Variants in TP63 observed in about 807,000 individuals in gnomAD.
TP63 encodes tumor protein 63.
TP63 carries 17 observed loss-of-function variants against 82.8 expected under a neutral mutation model. The observed-to-expected ratio is 0.21, with a 90% CI of 0.14 to 0.31. The LOEUF is 0.31. Ranked by LOEUF, TP63 falls within the 10% of genes least tolerant of loss-of-function variation. The pLI is 1.00. For missense variants in TP63, 648 were observed against 895.3 expected, an observed-to-expected ratio of 0.72 and a Z score of 3.52; for synonymous variants, 330 against 321.7, an observed-to-expected ratio of 1.03 and a Z score of -0.28.
chr3:189,765,787 A>G (rs1403220116), intron 3 of TP63, among the ~76,000 whole-genome samples: 1 of 152,066 alleles, frequency 6.6e-6, no homozygotes, highest in Admixed American at 6.6e-5. Context: ...CTGGCCTAGG[A>G]GCCAGGAGCC....
intron 3 of TP63, among the ~76,000 whole-genome samples, chr3:189,803,205 G>A (rs1726502654): frequency 6.6e-6 from 1 of 152,160 alleles, no homozygotes. Context: ...GGCTGAGGGA[G>A]GAGAATCTCT....
chr3:189,664,331 C>A (rs1431183616), intron 1 of TP63, among the ~76,000 whole-genome samples: 1 of 152,122 alleles, frequency 6.6e-6, no homozygotes, highest in East Asian at 1.9e-4. Context: ...ATATGAAGGG[C>A]AGTACTATGC....
intron 11 of TP63, 58 bp downstream of exon 11, chr3:189,886,609 ACT>A (rs1720473196): frequency 6.2e-7 from 1 of 1,605,472 alleles, no homozygotes. Flanking sequence ...TTAGGACAAG[ACT>A]CTGTGATGGG....
intron 4 of TP63, among the ~76,000 whole-genome samples, chr3:189,832,353 G>T (rs1212229993): frequency 1.3e-5 from 2 of 152,110 alleles, no homozygotes; most frequent in Non-Finnish European, 2.9e-5. Flanking sequence ...ATCCAAGGAG[G>T]TCACTCAGGG....
the TP63 span, among the ~76,000 whole-genome samples, chr3:189,613,231 G>C: frequency 6.6e-6 from 1 of 152,300 alleles, no homozygotes; most frequent in South Asian, 2.1e-4. Flanking sequence ...CCTGGGCCCA[G>C]GGTCCCTGCA....
chr3:189,895,101 T>C lies in TP63; in HGVS notation c.*599T>C, dbSNP rs922099474. On this transcript the variant is annotated 3_prime_UTR_variant, in exon 14 of 14. Transcript: ENST00000264731. ...CTAAATACATGCCACATCAAACCTT[T>C]GAGTAGATCCATTTCCATTGCTTAT... 4.5e-6 allele frequency: 1 copy of C among 221,516 alleles called. No homozygotes were observed. Among genetic ancestry groups the C allele is most frequent in the African/African-American group, 2.2e-5 (1 of 44,680 alleles). 13.7% of individuals were successfully genotyped at this position (221,516 alleles called of 1,614,324 possible).
At chr3:189,599,378 A>G in the TP63 span, among the ~76,000 whole-genome samples, 2 of 152,330 alleles carry the variant, frequency 1.3e-5, no homozygotes, top group East Asian at 3.9e-4. Context: ...GGACCCATCA[A>G]TTCCCATAAT....
intron 1 of TP63, among the ~76,000 whole-genome samples, chr3:189,712,258 C>T (rs975234677): frequency 2.0e-5 from 3 of 152,074 alleles, no homozygotes; most frequent in African/African-American, 7.2e-5. Flanking sequence ...CAGTTTGTCA[C>T]AGAAATATGG....
At chr3:189,890,672 C>A in intron 12 of TP63, 117 bp from the exon 13 acceptor site, 1 of 805,202 alleles carries the variant, frequency 1.2e-6, no homozygotes, top group Non-Finnish European at 2.1e-6. Flanking sequence ...CAATCCTCAT[C>A]TCTGATGTGG....
At chr3:189,689,782 G>T (rs899993220) in intron 1 of TP63, among the ~76,000 whole-genome samples, 1 of 152,106 alleles carries the variant, frequency 6.6e-6, no homozygotes, top group African/African-American at 2.4e-5. Flanking sequence ...GTCTTGACTT[G>T]TTGGGAAACT....
At chr3:189,628,272 T>A (rs1328077293), upstream of TP63, among the ~76,000 whole-genome samples, 2 of 152,132 alleles carry the variant, frequency 1.3e-5, no homozygotes, top group African/African-American at 4.8e-5. Flanking sequence ...AGATGGAGTT[T>A]TAAAACATTC....
At chr3:189,643,620 CTG>C (rs551985695) in intron 1 of TP63, among the ~76,000 whole-genome samples, 47 of 152,288 alleles carry the variant, frequency 3.1e-4, no homozygotes, top group African/African-American at 1.1e-3. Flanking sequence ...ATCAATGTGA[CTG>C]TTTTTTCCCT....
the TP63 span, among the ~76,000 whole-genome samples, chr3:189,608,895 C>T: frequency 6.6e-6 from 1 of 152,042 alleles, no homozygotes; most frequent in Non-Finnish European, 1.5e-5. Flanking sequence ...CTCTCGGTAA[C>T]ATGTAAGAGT....
intron 4 of TP63, among the ~76,000 whole-genome samples, chr3:189,844,891 C>T (rs958029329): frequency 1.3e-5 from 2 of 152,194 alleles, no homozygotes; most frequent in African/African-American, 4.8e-5. Context: ...TTCCCTAAAT[C>T]TTGCCTCCCA....
the TP63 span, among the ~76,000 whole-genome samples, chr3:189,623,149 G>A: frequency 6.6e-5 from 10 of 152,198 alleles, no homozygotes; most frequent in African/African-American, 1.7e-4. Context: ...TATACACATT[G>A]GGCTTTTGTT....
chr3:189,763,255 C>T (rs909328207), intron 3 of TP63, among the ~76,000 whole-genome samples: 2 of 152,118 alleles, frequency 1.3e-5, no homozygotes, highest in African/African-American at 4.8e-5. Context: ...GCATGACAGA[C>T]AGAGCAAGGC....
chr3:189,851,980 CAG>C (rs1473580269), intron 4 of TP63, among the ~76,000 whole-genome samples: 3 of 151,958 alleles, frequency 2.0e-5, no homozygotes, highest in Non-Finnish European at 2.9e-5. Context: ...AAGTAGGAAA[CAG>C]GGAACGGGAG....
At chr3:189,625,665 G>A in the TP63 span, among the ~76,000 whole-genome samples, 3 of 152,124 alleles carry the variant, frequency 2.0e-5, no homozygotes, top group African/African-American at 7.2e-5. Flanking sequence ...GAGTAAAGGT[G>A]CAACATATCT....
At chr3:189,846,779 T>G (rs969535714) in intron 4 of TP63, among the ~76,000 whole-genome samples, 1 of 145,146 alleles carries the variant, frequency 6.9e-6, no homozygotes, top group African/African-American at 2.5e-5. Context: ...CTCTGCCTCC[T>G]GGGTTCAAGC....
Sources: gnomAD v4.1 joint callset for allele counts (sites outside exome capture counted in the v4.1 genomes callset) on GRCh38, gnomAD v4.1.1 for gene constraint, MANE v1.5 for transcripts, NCBI Gene and HGNC (gene_info 2026-07-23, HGNC 2026-07-21) for gene names.